PPP4R3B: variants seen among roughly 807,000 people sequenced by gnomAD.
PPP4R3B encodes serine/threonine-protein phosphatase 4 regulatory subunit 3B.
PPP4R3B carries 52 observed loss-of-function variants against 95.4 expected under a neutral mutation model. The observed-to-expected ratio is 0.54, with a 90% CI of 0.44 to 0.69. The LOEUF (loss-of-function observed/expected upper bound fraction) is 0.69. PPP4R3B is among the 30% of genes least tolerant of loss of function. PPP4R3B has a pLI of 0.00. For missense variants in PPP4R3B, 1,003 were observed against 1,005.9 expected (o/e 1.00, Z 0.04); for synonymous variants, 407 against 343.9 (o/e 1.18, Z -2.03).
In PPP4R3B at chr2:55,617,416, C is replaced by T; in HGVS notation, c.-131G>A. ...GCGGCTTCGGAGAGGCCCGAATTCA[C>T]CATGGCTCCAAAGGTTCAGCCGCGA... is the stretch of plus-strand genomic sequence containing the variant. On this transcript the variant is annotated 5_prime_UTR_variant, in exon 1 of 17. In the 5' UTR this introduces an upstream ATG that the reference lacks. Transcript: ENST00000616407. 8 of 1,107,796 alleles carry T rather than the reference C, an allele frequency of 7.2e-6. No individual in the cohort carries two copies. The South Asian group carries it at 1.6e-4, about 22-fold the overall frequency. The allele number at this position is 1,107,796 out of a possible 1,614,324, so 68.6% of individuals were successfully genotyped here. A position where few individuals can be genotyped will look rare whatever the true frequency, so the allele number is the denominator to read the frequency against.
At chr2:55,565,518 TACTC>T (rs1346851573) in intron 13 of PPP4R3B, among the ~76,000 whole-genome samples, 5 of 152,216 alleles carry the variant, frequency 3.3e-5, no homozygotes, top group Admixed American at 6.5e-5. Flanking sequence ...ATTTTCAAAA[TACTC>T]ACGGTGATGG....
At chr2:55,602,802 C>T (rs1692816746) in intron 3 of PPP4R3B, among the ~76,000 whole-genome samples, 1 of 152,094 alleles carries the variant, frequency 6.6e-6, no homozygotes, top group African/African-American at 2.4e-5. Flanking sequence ...TATCATTTTG[C>T]TATAATAAAC....
chr2:55,555,634 T>C (rs1466534998), intron 16 of PPP4R3B, among the ~76,000 whole-genome samples: 1 of 152,186 alleles, frequency 6.6e-6, no homozygotes, highest in African/African-American at 2.4e-5. Context: ...TATACAGAAA[T>C]ACACACGTAT....
At chr2:55,572,607 G>A (rs574832488) in intron 12 of PPP4R3B, among the ~76,000 whole-genome samples, 19 of 152,204 alleles carry the variant, frequency 1.2e-4, no homozygotes, top group South Asian at 8.3e-4. Context: ...CAATTTTGGC[G>A]GAAGTAATCT....
chr2:55,591,312 T>A (rs531771718), intron 4 of PPP4R3B, among the ~76,000 whole-genome samples: 25 of 148,020 alleles, frequency 1.7e-4, no homozygotes, highest in East Asian at 5.8e-4. Context: ...ATTTTTTTTT[T>A]AATTTTTTGT....
intron 1 of PPP4R3B, 107 bp downstream of exon 1, chr2:55,617,037 C>A: frequency 2.3e-6 from 3 of 1,332,358 alleles, no homozygotes; most frequent in Non-Finnish European, 3.1e-6. Flanking sequence ...TCAGAACCAA[C>A]GCGCTGTCCC....
chr2:55,567,173 G>C (rs1428447634), intron 13 of PPP4R3B, among the ~76,000 whole-genome samples: 1 of 152,134 alleles, frequency 6.6e-6, no homozygotes, highest in Non-Finnish European at 1.5e-5. Context: ...CCTCCAGATT[G>C]TTTATGACAA....
At chr2:55,592,219 C>T (rs1224401442) in intron 4 of PPP4R3B, among the ~76,000 whole-genome samples, 1 of 152,050 alleles carries the variant, frequency 6.6e-6, no homozygotes, top group African/African-American at 2.4e-5. Context: ...CTGTCAAGTC[C>T]AATTTTAAAT....
intron 16 of PPP4R3B, among the ~76,000 whole-genome samples, chr2:55,550,411 T>A (rs1055020676): frequency 2.0e-5 from 3 of 152,238 alleles, no homozygotes; most frequent in African/African-American, 7.2e-5. Flanking sequence ...TCATCTTGTG[T>A]ATATTTCATC....
chr2:55,598,328 A>G, intron 4 of PPP4R3B, 88 bp downstream of exon 4: 1 of 1,333,584 alleles, frequency 7.5e-7, no homozygotes, highest in Non-Finnish European at 1.0e-6. Context: ...AAATCTTTCA[A>G]AAAATAGAGG....
At position 55,559,085 on chromosome 2, in the gene PPP4R3B, C is replaced by T. The variant is rs558158070; in HGVS notation, c.2261-117G>A. ...ATTGCTGCCCGGGCATGGTGGCTCA[C>T]GCCTGTAATCCCAACACTTTGGGAG... On this transcript the variant is annotated intron_variant, in intron 15 of 16. Transcript: ENST00000616407. 248 of 775,884 alleles carry T rather than the reference C, an allele frequency of 3.2e-4. 1 individual carries two copies. In the East Asian group the frequency reaches 5.9e-3, roughly 18 times the overall value. The allele number at this position is 775,884 out of a possible 1,614,324, so 48.1% of individuals were successfully genotyped here. A position where few individuals can be genotyped will look rare whatever the true frequency, so the allele number is the denominator to read the frequency against.
At chr2:55,601,444 G>A (rs577871977) in intron 3 of PPP4R3B, among the ~76,000 whole-genome samples, 10 of 151,174 alleles carry the variant, frequency 6.6e-5, no homozygotes, top group Non-Finnish European at 8.8e-5. Flanking sequence ...GCAATGGCGC[G>A]ATCTCGGCTC....
intron 2 of PPP4R3B, among the ~76,000 whole-genome samples, chr2:55,606,480 T>A (rs1482586717): frequency 1.3e-5 from 2 of 151,632 alleles, no homozygotes; most frequent in Non-Finnish European, 2.9e-5. Context: ...AGGCCAGGAG[T>A]TTGAGACCAG....
chr2:55,573,098 T>C (rs1688218673), intron 12 of PPP4R3B, among the ~76,000 whole-genome samples: 1 of 152,142 alleles, frequency 6.6e-6, no homozygotes, highest in African/African-American at 2.4e-5. Context: ...AAATAAAGAT[T>C]AGGGAGATTA....
At position 55,615,490 on chromosome 2, in the gene PPP4R3B, TTCCA is replaced by T; in HGVS notation, c.155_158del (p.Leu52TyrfsTer4). On this transcript the variant is annotated frameshift_variant, in exon 2 of 17. Coordinates refer to ENST00000616407, the MANE Select transcript of PPP4R3B (RefSeq NM_001122964.3). LOFTEE classifies it high-confidence loss of function. ...ATGCAGTATTTGGATTTATCTTTGA[TTCCA>T]AGAGTAGTGATCCTGAAAGATAAAA... 1 of 1,591,088 alleles carries T rather than the reference TTCCA, an allele frequency of 6.3e-7. No individual in the cohort carries two copies. Among genetic ancestry groups the T allele is most frequent in the Non-Finnish European group, 8.6e-7 (1 of 1,167,996 alleles).
rs751708995 is a variant in PPP4R3B at position 55,579,706 on chromosome 2, T to C, written c.1441A>G (p.Asn481Asp). The change falls in exon 9 of 17, where the codon AAT (asparagine) becomes GAT (aspartate). Residue 481 changes from asparagine to aspartate, a missense_variant. This residue lies in a region of PPP4R3B where 695 missense variants were observed against 686.2 expected (regional missense o/e 1.01). Coordinates refer to ENST00000616407, the MANE Select transcript of PPP4R3B (RefSeq NM_001122964.3). Reference sequence around the variant, plus strand: ...TTTTCACATTTGTCTTCTGAAGTATTGGTCAAAAGTGGTGCTGTGAGAACA... The same window carrying C: ...TTTTCACATTTGTCTTCTGAAGTATCGGTCAAAAGTGGTGCTGTGAGAACA... Reference protein sequence around the residue: ...MHVLTAPLLTNTSEDKCEKDF... With the variant: ...MHVLTAPLLTDTSEDKCEKDF... 5 of 1,603,576 alleles carry C rather than the reference T, an allele frequency of 3.1e-6. No homozygotes were observed. Among genetic ancestry groups the C allele is most frequent in the Non-Finnish European group, 4.3e-6 (5 of 1,175,430 alleles).
At chr2:55,593,781 CT>C (rs1329151493) in intron 4 of PPP4R3B, among the ~76,000 whole-genome samples, 3 of 152,112 alleles carry the variant, frequency 2.0e-5, no homozygotes, top group Non-Finnish European at 4.4e-5. Context: ...AATCTTATTT[CT>C]TTCCTTTTCA....
chr2:55,617,394 G>C lies in PPP4R3B; in HGVS notation c.-109C>G. 7.8e-7 allele frequency: 1 copy of C among 1,280,512 alleles called. No homozygotes were observed. Among genetic ancestry groups the C allele is most frequent in the East Asian group, 2.8e-5 (1 of 35,672 alleles). The allele number at this position is 1,280,512 out of a possible 1,614,324, so 79.3% of individuals were successfully genotyped here. A position where few individuals can be genotyped will look rare whatever the true frequency, so the allele number is the denominator to read the frequency against. On this transcript the variant is annotated 5_prime_UTR_variant, in exon 1 of 17. Transcript: ENST00000616407. Reference sequence around the variant, plus strand: ...AGTAGTGGCGGTGGCGGCGGCGGCGGCTTCGGAGAGGCCCGAATTCACCAT... The same window carrying C: ...AGTAGTGGCGGTGGCGGCGGCGGCGCCTTCGGAGAGGCCCGAATTCACCAT...
intron 2 of PPP4R3B, among the ~76,000 whole-genome samples, chr2:55,609,168 T>C (rs1423833793): frequency 6.6e-6 from 1 of 152,122 alleles, no homozygotes; most frequent in East Asian, 1.9e-4. Context: ...AATTCATAAT[T>C]CATCTGATTT....
Sources: allele counts gnomAD v4.1 joint callset (sites outside exome capture counted in the v4.1 genomes callset), GRCh38; gene constraint gnomAD v4.1.1; regional missense constraint gnomAD v4.1.1; transcripts MANE v1.5; gene names NCBI Gene and HGNC (gene_info 2026-07-23, HGNC 2026-07-21).